The following HCK variants were observed in gnomAD, a reference collection of about 807,000 sequenced individuals.
HCK encodes the protein tyrosine-protein kinase HCK.
In HCK, 40 loss-of-function variants were observed where a neutral mutation model predicts 70.4. The observed-to-expected ratio is 0.57, with a 90% confidence interval of 0.44 to 0.74. The LOEUF is 0.74. HCK is among the 30% of genes least tolerant of loss of function. HCK has a pLI of 0.00. For synonymous variants in HCK, 245 were observed against 263.2 expected (o/e 0.93, Z 0.67); for missense variants, 568 against 697.2 (o/e 0.81, Z 2.09).
At chr20:32,063,902 T>G (rs1387546672) in intron 1 of HCK, among the ~76,000 whole-genome samples, 1 of 151,118 alleles carries the variant, frequency 6.6e-6, no homozygotes, top group Non-Finnish European at 1.5e-5. Flanking sequence ...TTTCTTGGGT[T>G]TGCCTTGCTG....
At position 32,074,733 on chromosome 20, in the gene HCK, A is replaced by C. The variant is rs1213466261; in HGVS notation, c.428+12A>C. On this transcript the variant is annotated intron_variant, in intron 5 of 12. Coordinates refer to ENST00000375852, the MANE Select transcript of HCK (RefSeq NM_002110.5). ...CTGGAGACAGAGGAGTAAGTATCCT[A>C]TTTCCTACCTTCCAGAAAGAGGCAT... The C allele has an allele frequency of 6.3e-7, 1 of 1,590,986 alleles. No homozygotes were observed. Among genetic ancestry groups the C allele is most frequent in the Non-Finnish European group, 8.6e-7 (1 of 1,159,062 alleles).
chr20:32,086,023 T>C (rs920348646), intron 8 of HCK, among the ~76,000 whole-genome samples: 1 of 151,974 alleles, frequency 6.6e-6, no homozygotes, highest in African/African-American at 2.4e-5. Flanking sequence ...GGGTTTTTTG[T>C]TTGTTTGTTT....
At chr20:32,086,883 T>C (rs2045796637) in intron 9 of HCK, 76 bp downstream of exon 9, 1 of 1,376,068 alleles carries the variant, frequency 7.3e-7, no homozygotes, top group Non-Finnish European at 9.8e-7. Context: ...GGCTTGGACA[T>C]GGTTCTTGCC....
At chr20:32,080,313 C>T (rs1392779704) in intron 6 of HCK, among the ~76,000 whole-genome samples, 1 of 152,180 alleles carries the variant, frequency 6.6e-6, no homozygotes, top group Non-Finnish European at 1.5e-5. Flanking sequence ...ATTCTCCTGC[C>T]TCAGCCTTCC....
chr20:32,075,756 C>T (rs2045614877), intron 5 of HCK, among the ~76,000 whole-genome samples: 1 of 151,756 alleles, frequency 6.6e-6, no homozygotes, highest in African/African-American at 2.4e-5. Context: ...CAACAGATAC[C>T]TGTTGATTCC....
chr20:32,069,155 G>A (rs963558467), intron 1 of HCK, among the ~76,000 whole-genome samples: 1 of 152,112 alleles, frequency 6.6e-6, no homozygotes, highest in Non-Finnish European at 1.5e-5. Flanking sequence ...ACTGCATGCT[G>A]GGCACTTTTA....
At chr20:32,084,313 G>C (rs138876987) in intron 7 of HCK, 78 bp from the exon 8 acceptor site, 3 of 1,458,920 alleles carry the variant, frequency 2.1e-6, no homozygotes, top group East Asian at 2.4e-5. Context: ...CAGTGGACCA[G>C]GTAGGGCGGC....
chr20:32,094,751 A>AGAG (rs2045916974), intron 11 of HCK, among the ~76,000 whole-genome samples: 1 of 87,920 alleles, frequency 1.1e-5, no homozygotes, highest in African/African-American at 5.6e-5. Context: ...GAAAGAAAGA[A>AGAG]AGAAAGAAAG....
At chr20:32,053,557 G>C (rs2045214798) in intron 1 of HCK, among the ~76,000 whole-genome samples, 1 of 144,680 alleles carries the variant, frequency 6.9e-6, no homozygotes, top group African/African-American at 2.6e-5. Context: ...AGAATCACTT[G>C]AACCTGGGAG....
Position 32,074,690 on chromosome 20 carries a change from G to A in HCK, c.397G>A (p.Val133Ile), listed in dbSNP as rs1184944268. ...GGAGGGCTACATCCCAAGCAACTAT[G>A]TCGCCCGCGTTGACTCTCTGGAGAC... The change falls in exon 5 of 13, where the codon GTC becomes ATC. Residue 133 changes from valine (V) to isoleucine (I), a missense_variant. By Grantham distance (29) the Val-to-Ile change is conservative. Transcript: ENST00000375852. The A allele has an allele frequency of 4.3e-6, 7 of 1,613,870 alleles. No individual in the cohort carries two copies. The highest frequency in any genetic ancestry group is 1.3e-5 in the African/African-American group (1 of 74,910).
At chr20:32,070,682 T>C (rs543073008) in intron 1 of HCK, among the ~76,000 whole-genome samples, 1 of 152,226 alleles carries the variant, frequency 6.6e-6, no homozygotes, top group Non-Finnish European at 1.5e-5. Context: ...CAATTTGCCC[T>C]GTTATTTATT....
chr20:32,071,871 C>A, intron 2 of HCK, 89 bp downstream of exon 2: 1 of 1,509,326 alleles, frequency 6.6e-7, no homozygotes, highest in South Asian at 1.3e-5. Flanking sequence ...CAAGGTTGGG[C>A]AGGGTGAGCT....
intron 5 of HCK, among the ~76,000 whole-genome samples, chr20:32,075,307 C>T (rs1433339610): frequency 6.6e-6 from 1 of 152,174 alleles, no homozygotes; most frequent in African/African-American, 2.4e-5. Context: ...GATCCTCCCA[C>T]CTCAGCCTCC....
intron 10 of HCK, among the ~76,000 whole-genome samples, chr20:32,090,559 C>T (rs189541370): frequency 4.6e-5 from 7 of 152,288 alleles, no homozygotes; most frequent in Admixed American, 3.9e-4. Flanking sequence ...TTTGTCTCCC[C>T]CACCCCCATA....
At chr20:32,092,128 T>C (rs373716108) in intron 10 of HCK, among the ~76,000 whole-genome samples, 1 of 152,160 alleles carries the variant, frequency 6.6e-6, no homozygotes, top group African/African-American at 2.4e-5. Context: ...GCTTTGATTG[T>C]TCTGTCTAGT....
chr20:32,071,930 C>T (rs942534111), intron 2 of HCK, 148 bp downstream of exon 2: 86 of 940,490 alleles, frequency 9.1e-5, no homozygotes, highest in Non-Finnish European at 1.3e-4. Context: ...TGACTCGACT[C>T]TCCGGGACGC....
At chr20:32,071,953 C>A in intron 2 of HCK, 171 bp downstream of exon 2, 1 of 751,348 alleles carries the variant, frequency 1.3e-6, no homozygotes, top group Non-Finnish European at 2.1e-6. Context: ...CGCCAGCCAG[C>A]ATGCATAGGG....
intron 10 of HCK, among the ~76,000 whole-genome samples, chr20:32,089,974 C>T (rs1005220586): frequency 5.9e-5 from 9 of 152,216 alleles, no homozygotes; most frequent in Non-Finnish European, 2.9e-5. Flanking sequence ...TGAGACCCTG[C>T]CTGGGCCTCA....
intron 1 of HCK, 59 bp downstream of exon 1, chr20:32,052,545 G>GAGGGAGCC: frequency 8.4e-7 from 1 of 1,197,080 alleles, no homozygotes; most frequent in Non-Finnish European, 1.1e-6. Flanking sequence ...CCAGGAGGCG[G>GAGGGAGCC]AGGGAGCCCA....
Sources: allele counts gnomAD v4.1 joint callset (sites outside exome capture counted in the v4.1 genomes callset), GRCh38; gene constraint gnomAD v4.1.1; transcripts MANE v1.5; gene names NCBI Gene and HGNC (gene_info 2026-07-23, HGNC 2026-07-21).